Variants in RIMBP2 observed in about 807,000 individuals in gnomAD.
The protein encoded by RIMBP2 is RIMS-binding protein 2.
In RIMBP2, 48 loss-of-function variants were observed where a neutral mutation model predicts 118.6. That is an observed-to-expected ratio of 0.40 (90% CI 0.32 to 0.51). The LOEUF (loss-of-function observed/expected upper bound fraction) is 0.51. Ranked by LOEUF, RIMBP2 falls within the 20% of genes least tolerant of loss-of-function variation. The probability of loss-of-function intolerance (pLI) is 0.41; values close to 1 mark genes in which losing one functional copy is unlikely to be tolerated. For missense variants in RIMBP2, 1,551 were observed against 1,768.3 expected, an observed-to-expected ratio of 0.88 and a Z score of 2.20; for synonymous variants, 762 against 742.9, an observed-to-expected ratio of 1.03 and a Z score of -0.42.
chr12:130,548,992 G>A (rs1330705807), intron 2 of RIMBP2, among the ~76,000 whole-genome samples: 4 of 152,182 alleles, frequency 2.6e-5, no homozygotes, highest in Admixed American at 6.5e-5. Flanking sequence ...AACTGACTCT[G>A]TGCCAATAAT....
At chr12:130,705,232 C>G (rs1009180157) in intron 1 of RIMBP2, among the ~76,000 whole-genome samples, 2 of 152,184 alleles carry the variant, frequency 1.3e-5, no homozygotes, top group Admixed American at 6.5e-5. Flanking sequence ...GATGCCTGCA[C>G]ACCCGAAGCC....
chr12:130,407,009 G>A (rs981060717), intron 20 of RIMBP2, among the ~76,000 whole-genome samples: 18 of 152,150 alleles, frequency 1.2e-4, no homozygotes, highest in South Asian at 2.1e-4. Flanking sequence ...TGTCAAACAC[G>A]CCCCACTGCC....
chr12:130,514,399 C>T (rs1056502842), intron 3 of RIMBP2, among the ~76,000 whole-genome samples: 2 of 152,274 alleles, frequency 1.3e-5, no homozygotes, highest in African/African-American at 4.8e-5. Flanking sequence ...CACTACCAGC[C>T]ATCCAGGAAA....
intron 2 of RIMBP2, among the ~76,000 whole-genome samples, chr12:130,587,829 T>TAAA (rs374788301): frequency 3.3e-5 from 4 of 121,380 alleles, no homozygotes; most frequent in African/African-American, 1.2e-4. Context: ...TAAAGTATAA[T>TAAA]AAAAAAAAAA....
chr12:130,693,121 C>A (rs2065404921), intron 1 of RIMBP2, among the ~76,000 whole-genome samples: 1 of 152,116 alleles, frequency 6.6e-6, no homozygotes, highest in Non-Finnish European at 1.5e-5. Context: ...GGCCCTCCAG[C>A]TGCCCCCATA....
At position 130,434,986 on chromosome 12, in the gene RIMBP2, A is replaced by ACC. The variant is rs561125595; in HGVS notation, c.2107-108_2107-107dup. 1.3e-5 allele frequency: 16 copies of ACC among 1,197,880 alleles called. No individual in the cohort carries two copies. The highest frequency in any genetic ancestry group is 1.7e-5 in the Non-Finnish European group (15 of 871,524). The allele number at this position is 1,197,880 out of a possible 1,614,324, so 74.2% of individuals were successfully genotyped here. ...TCAGCCCCTCAGAGCCTGGCCAGGC[A>ACC]CCCCCCACACAGTGCTTTGGGCCCA... On this transcript the variant is annotated intron_variant, in intron 13 of 22. Transcript: ENST00000690449. This position sits in a 1 kb window ranked among gnomAD's most constrained non-coding sequence, Gnocchi z 5.7.
rs1376218914 is a variant in RIMBP2 at position 130,610,751 on chromosome 12, G to A, written c.-217+17571C>T. The stretch of plus-strand genomic sequence containing the variant: ...AATTTTTTGTATTTTTAGTAGAGAC[G>A]GGGTTTCACCGTGTTAGCCAGGATG... On this transcript the variant is annotated intron_variant, in intron 2 of 22. Transcript: ENST00000690449. Among the ~76,000 whole-genome samples, 5 of 151,228 alleles carry A rather than the reference G, an allele frequency of 3.3e-5. No individual in the cohort carries two copies. In the South Asian group the frequency reaches 1.0e-3, roughly 32 times the overall value.
intron 3 of RIMBP2, among the ~76,000 whole-genome samples, chr12:130,510,412 G>A (rs1593586547): frequency 6.6e-6 from 1 of 151,860 alleles, no homozygotes. Flanking sequence ...GATCTTGGAG[G>A]AAGGTGAAGA....
At chr12:130,560,542 G>A (rs573473273) in intron 2 of RIMBP2, among the ~76,000 whole-genome samples, 30 of 152,224 alleles carry the variant, frequency 2.0e-4, no homozygotes, top group South Asian at 1.2e-3. Flanking sequence ...ACTCCCATCC[G>A]CTTTGAGATC....
At position 130,478,953 on chromosome 12, in the gene RIMBP2, C is replaced by G. The variant is rs1395810586; in HGVS notation, c.61G>C (p.Val21Leu). 6.2e-7 allele frequency: 1 copy of G among 1,613,914 alleles called. No homozygotes were observed. The highest frequency in any genetic ancestry group is 1.1e-5 in the South Asian group (1 of 91,078). The change falls in exon 5 of 23, where the codon GTT becomes CTT. Residue 21 changes from valine (V) to leucine (L), a missense_variant. By Grantham distance (32) the Val-to-Leu change is conservative. Around this residue, in one of 5 missense-constraint regions of RIMBP2, gnomAD observed 239 missense variants for 256.8 expected, o/e 0.93. Transcript: ENST00000690449. ...ATTTCCTGCTGCTTGGCACTGAGAACAGCCAGGGCCTGGTCATGCTCCAAC... is the reference window on the plus strand; with the variant it reads ...ATTTCCTGCTGCTTGGCACTGAGAAGAGCCAGGGCCTGGTCATGCTCCAAC... ...LQLEHDQALA[V>L]LSAKQQEIDL...
intron 7 of RIMBP2, among the ~76,000 whole-genome samples, chr12:130,452,712 G>A (rs528074474): frequency 2.6e-5 from 4 of 152,360 alleles, no homozygotes; most frequent in African/African-American, 7.2e-5. Flanking sequence ...GAACTTTCCA[G>A]AGAGGAAACA....
chr12:130,473,873 G>A (rs1485035266), intron 5 of RIMBP2, among the ~76,000 whole-genome samples: 1 of 152,126 alleles, frequency 6.6e-6, no homozygotes, highest in Non-Finnish European at 1.5e-5. Context: ...ACTATGCATC[G>A]GGCGGTGAGC....
At chr12:130,618,433 T>G (rs34984549) in intron 2 of RIMBP2, among the ~76,000 whole-genome samples, 1 of 151,974 alleles carries the variant, frequency 6.6e-6, no homozygotes, top group Non-Finnish European at 1.5e-5. Context: ...CGGATCCTAC[T>G]GGCCCCCTCC....
At chr12:130,681,786 C>T (rs1414234645) in intron 1 of RIMBP2, among the ~76,000 whole-genome samples, 1 of 152,200 alleles carries the variant, frequency 6.6e-6, no homozygotes, top group African/African-American at 2.4e-5. Context: ...CCTCCACCTT[C>T]TGGGTTCAAG....
intron 3 of RIMBP2, 86 bp downstream of exon 3, chr12:130,517,742 T>C: frequency 2.5e-6 from 1 of 405,610 alleles, no homozygotes; most frequent in Non-Finnish European, 3.3e-6. Flanking sequence ...CAGTGATTCT[T>C]CCCTGCCCCT....
intron 1 of RIMBP2, among the ~76,000 whole-genome samples, chr12:130,641,653 A>G (rs2062628762): frequency 6.6e-6 from 1 of 152,232 alleles, no homozygotes; most frequent in African/African-American, 2.4e-5. Flanking sequence ...CGTGCAAAAC[A>G]GAAAAACAAA....
At chr12:130,402,620 C>T (rs1024135928) in intron 21 of RIMBP2, among the ~76,000 whole-genome samples, 23 of 152,190 alleles carry the variant, frequency 1.5e-4, no homozygotes, top group African/African-American at 5.3e-4. Flanking sequence ...TGCTTCTCTC[C>T]TACGCCTCAT....
At chr12:130,473,607 C>A (rs953629357) in intron 5 of RIMBP2, among the ~76,000 whole-genome samples, 1 of 152,138 alleles carries the variant, frequency 6.6e-6, no homozygotes, top group African/African-American at 2.4e-5. Flanking sequence ...CCTCCGTGGG[C>A]GTTATGAAAC....
chr12:130,595,827 C>T (rs1446694830), intron 2 of RIMBP2, among the ~76,000 whole-genome samples: 2 of 152,160 alleles, frequency 1.3e-5, no homozygotes, highest in African/African-American at 2.4e-5. Flanking sequence ...AGCCAGCGTT[C>T]GGCTAAGGAA....
Sources: allele counts gnomAD v4.1 joint callset (sites outside exome capture counted in the v4.1 genomes callset), GRCh38; gene constraint gnomAD v4.1.1; regional missense constraint gnomAD v4.1.1; non-coding constraint Gnocchi (gnomAD v3.1); transcripts MANE v1.5; gene names NCBI Gene and HGNC (gene_info 2026-07-23, HGNC 2026-07-21).